The following HSPA1A variants were observed in gnomAD, a reference collection of about 807,000 sequenced individuals.
The protein encoded by HSPA1A is heat shock protein family A (Hsp70) member 1A.
In HSPA1A, 5 loss-of-function variants were observed where a neutral mutation model predicts 8.8. The ratio of observed to expected loss-of-function variants is 0.57; its 90% CI spans 0.30 to 1.19. HSPA1A has a LOEUF of 1.19. Ranked by LOEUF, HSPA1A falls within the 50% of genes most tolerant of loss-of-function variation. The pLI is 0.08. For missense variants in HSPA1A, 207 were observed against 430.7 expected, an observed-to-expected ratio of 0.48 and a Z score of 4.60; for synonymous variants, 112 against 188.4, an observed-to-expected ratio of 0.59 and a Z score of 3.32.
In HSPA1A at chr6:31,815,844, G is replaced by A. The variant is rs199499427; in HGVS notation, c.88G>A (p.Ala30Thr). 6.2e-7 allele frequency: 1 copy of A among 1,610,864 alleles called. No homozygotes were observed. Among genetic ancestry groups the A allele is most frequent in the East Asian group, 2.2e-5 (1 of 44,780 alleles). ...VFQHGKVEII[A>T]NDQGNRTTPS... is the part of the protein sequence containing the mutation. ...CCAACACGGCAAGGTGGAGATCATCGCCAACGACCAGGGCAACCGCACCAC... is the reference window on the plus strand; with the variant it reads ...CCAACACGGCAAGGTGGAGATCATCACCAACGACCAGGGCAACCGCACCAC... Residue 30 changes from alanine (A) to threonine (T), a missense_variant, in exon 1 of 1, where the codon GCC becomes ACC. Physicochemically the swap from Ala to Thr is moderately conservative, Grantham distance 58. Coordinates refer to ENST00000375651, the MANE Select transcript of HSPA1A (RefSeq NM_005345.6).
In HSPA1A at chr6:31,817,698, T is replaced by G. The variant is rs761966416; in HGVS notation, c.*16T>G. On this transcript the variant is annotated 3_prime_UTR_variant, in exon 1 of 1. Transcript: ENST00000375651. ...GGTAGATTAGGGGCCTTTCCAAGAT[T>G]GCTGTTTTTGTTTTGGAGCTTCAAG... 6.3e-7 allele frequency: 1 copy of G among 1,597,664 alleles called. No homozygotes were observed.
rs773596627 is a variant in HSPA1A at position 31,817,511 on chromosome 6, C to T, written c.1755C>T (p.Thr585=). 2 of 1,612,586 alleles carry T rather than the reference C, an allele frequency of 1.2e-6. No individual in the cohort carries two copies. Among genetic ancestry groups the T allele is most frequent in the East Asian group, 4.5e-5 (2 of 44,890 alleles). The change falls in exon 1 of 1, where the codon ACC becomes ACT. Residue 585 remains threonine, a synonymous_variant. Coordinates refer to ENST00000375651, the MANE Select transcript of HSPA1A (RefSeq NM_005345.6). ...TCATCTCGTGGCTGGACGCCAACAC[C>T]TTGGCCGAGAAGGACGAGTTTGAGC... is the stretch of plus-strand genomic sequence containing the variant. ...QEVISWLDAN[T]LAEKDEFEHK...
At position 31,817,811 on chromosome 6, in the gene HSPA1A, C is replaced by T. The variant is rs1393808641; in HGVS notation, c.*129C>T. 1.1e-5 allele frequency: 16 copies of T among 1,467,760 alleles called. No homozygotes were observed. The East Asian group carries it at 3.4e-4, about 31-fold the overall frequency. 90.9% of individuals were successfully genotyped at this position (1,467,760 alleles called of 1,614,324 possible). A position where few individuals can be genotyped will look rare whatever the true frequency, so the allele number is the denominator to read the frequency against. On this transcript the variant is annotated 3_prime_UTR_variant, in exon 1 of 1. Coordinates refer to ENST00000375651, the MANE Select transcript of HSPA1A (RefSeq NM_005345.6). ...ATTTTTTGGTGAAGTACTGAACTTG[C>T]TTTTTTTCCGGTTTCTACATGCAGA...
In HSPA1A at chr6:31,815,714, C is replaced by T. The variant is rs1297130339; in HGVS notation, c.-43C>T. 1.2e-6 allele frequency: 2 copies of T among 1,613,668 alleles called. No homozygotes were observed. Among genetic ancestry groups the T allele is most frequent in the Non-Finnish European group, 1.7e-6 (2 of 1,179,984 alleles). ...CGCGGATCCAGTGTTCCGTTTCCAG[C>T]CCCCAATCTCAGAGCGGAGCCGACA... On this transcript the variant is annotated 5_prime_UTR_variant, in exon 1 of 1. Transcript: ENST00000375651.
rs1237645312 is a variant in HSPA1A at position 31,815,737 on chromosome 6, A to G, written c.-20A>G. On this transcript the variant is annotated 5_prime_UTR_variant, in exon 1 of 1. Transcript: ENST00000375651. The stretch of plus-strand genomic sequence containing the variant: ...AGCCCCCAATCTCAGAGCGGAGCCG[A>G]CAGAGAGCAGGGAACCGGCATGGCC... The G allele has an allele frequency of 1.2e-6, 2 of 1,613,742 alleles. No individual in the cohort carries two copies. The highest frequency in any genetic ancestry group is 2.2e-5 in the East Asian group (1 of 44,878).
In HSPA1A at chr6:31,817,385, G is replaced by C; in HGVS notation, c.1629G>C (p.Glu543Asp). 1 of 1,608,726 alleles carries C rather than the reference G, an allele frequency of 6.2e-7. No homozygotes were observed. Residue 543 changes from glutamate (E) to aspartate (D), a missense_variant, in exon 1 of 1, where the codon GAG becomes GAC. By Grantham distance (45) the Glu-to-Asp change is conservative. This residue lies in a region of HSPA1A where 11 missense variants were observed against 44.4 expected (regional missense o/e 0.25). Transcript: ENST00000375651. Reference protein sequence around the residue: ...RERVSAKNALESYAFNMKSAV... With the variant: ...RERVSAKNALDSYAFNMKSAV... ...GGGTGTCAGCCAAGAACGCCCTGGA[G>C]TCCTACGCCTTCAACATGAAGAGCG...
rs1215498031 is a variant in HSPA1A, at chr6:31,817,415, G to A, written c.1659G>A (p.Val553=). 1.2e-6 allele frequency: 2 copies of A among 1,611,962 alleles called. No homozygotes were observed. The highest frequency in any genetic ancestry group is 8.5e-7 in the Non-Finnish European group (1 of 1,179,726). ...ESYAFNMKSA[V]EDEGLKGKIS... ...ACGCCTTCAACATGAAGAGCGCCGTGGAGGATGAGGGGCTCAAGGGCAAGA... is the reference window on the plus strand; with the variant it reads ...ACGCCTTCAACATGAAGAGCGCCGTAGAGGATGAGGGGCTCAAGGGCAAGA... The change falls in exon 1 of 1, where the codon GTG becomes GTA. Residue 553 remains valine (V), a synonymous_variant. Coordinates refer to ENST00000375651, the MANE Select transcript of HSPA1A (RefSeq NM_005345.6).
chr6:31,815,753 C>G lies in HSPA1A; in HGVS notation c.-4C>G, dbSNP rs374399750. 4.3e-6 allele frequency: 7 copies of G among 1,613,858 alleles called. No individual in the cohort carries two copies. The highest frequency in any genetic ancestry group is 5.1e-6 in the Non-Finnish European group (6 of 1,180,030). On this transcript the variant is annotated 5_prime_UTR_variant, in exon 1 of 1. Transcript: ENST00000375651. ...GCGGAGCCGACAGAGAGCAGGGAACCGGCATGGCCAAAGCCGCGGCGATCG... is the reference window on the plus strand; with the variant it reads ...GCGGAGCCGACAGAGAGCAGGGAACGGGCATGGCCAAAGCCGCGGCGATCG...
chr6:31,816,293 C>T lies in HSPA1A; in HGVS notation c.537C>T (p.Ala179=), dbSNP rs1562350971. The T allele has an allele frequency of 7.7e-6, 2 of 259,548 alleles. No homozygotes were observed. The highest frequency in any genetic ancestry group is 1.3e-5 in the Non-Finnish European group (2 of 149,854). 16.1% of individuals were successfully genotyped at this position (259,548 alleles called of 1,614,324 possible). A position where few individuals can be genotyped will look rare whatever the true frequency, so the allele number is the denominator to read the frequency against. ...GGATCATCAACGAGCCCACGGCCGC[C>T]GCCATCGCCTACGGCCTGGACAGAA... The part of the protein sequence containing the change: ...VLRIINEPTA[A]AIAYGLDRTG... Residue 179 remains alanine (A), a synonymous_variant, in exon 1 of 1, where the codon GCC becomes GCT. Coordinates refer to ENST00000375651, the MANE Select transcript of HSPA1A (RefSeq NM_005345.6).
At position 31,817,446 on chromosome 6, in the gene HSPA1A, G is replaced by A. The variant is rs1054002904; in HGVS notation, c.1690G>A (p.Glu564Lys). Residue 564 changes from glutamate to lysine, a missense_variant, in exon 1 of 1, where the codon GAG becomes AAG. Transcript: ENST00000375651. ...EDEGLKGKIS[E>K]ADKKKVLDKC... The stretch of plus-strand genomic sequence containing the variant: ...TGAGGGGCTCAAGGGCAAGATCAGC[G>A]AGGCGGACAAGAAGAAGGTGCTGGA... 1 of 1,612,354 alleles carries A rather than the reference G, an allele frequency of 6.2e-7. No individual in the cohort carries two copies. Among genetic ancestry groups the A allele is most frequent in the Non-Finnish European group, 8.5e-7 (1 of 1,179,838 alleles).
In HSPA1A at chr6:31,816,880, TG is replaced by T. The variant is rs1236863879; in HGVS notation, c.1125del (p.Gln376ArgfsTer5). On this transcript the variant is annotated frameshift_variant, in exon 1 of 1. Transcript: ENST00000375651. LOFTEE classifies it high-confidence loss of function. ...GAGGCTGTGGCCTACGGGGCGGCGGTGCAGGCGGCCATCCTGATGGGGGACA... is the reference window on the plus strand; with the variant it reads ...GAGGCTGTGGCCTACGGGGCGGCGGTCAGGCGGCCATCCTGATGGGGGACA... ...PDEAVAYGAA[V>X]QAAILMGDKS... is the part of the protein sequence containing the mutation. 2 of 194,158 alleles carry T rather than the reference TG, an allele frequency of 1.0e-5. No homozygotes were observed. The highest frequency in any genetic ancestry group is 5.9e-5 in the South Asian group (2 of 33,618). The allele number at this position is 194,158 out of a possible 1,614,324, so 12.0% of individuals were successfully genotyped here.
chr6:31,815,928 C>T lies in HSPA1A; in HGVS notation c.172C>T (p.Gln58Ter), dbSNP rs752211354. Residue 58 changes from glutamine (Q) to a stop codon, truncating the protein, a stop_gained, in exon 1 of 1, where the codon CAG becomes TAG. Coordinates refer to ENST00000375651, the MANE Select transcript of HSPA1A (RefSeq NM_005345.6). LOFTEE classifies it high-confidence loss of function. ...GCTCATCGGGGATGCGGCCAAGAAC[C>T]AGGTGGCGCTGAACCCGCAGAACAC... is the stretch of plus-strand genomic sequence containing the variant. ...ERLIGDAAKN[Q>*]VALNPQNTVF... 1.0e-5 allele frequency: 16 copies of T among 1,572,752 alleles called. No individual in the cohort carries two copies. The highest frequency in any genetic ancestry group is 2.3e-4 in the Middle Eastern group (1 of 4,370).
In HSPA1A at chr6:31,815,670, G is replaced by A. The variant is rs1333032792; in HGVS notation, c.-87G>A. 6.2e-7 allele frequency: 1 copy of A among 1,612,994 alleles called. No homozygotes were observed. Among genetic ancestry groups the A allele is most frequent in the African/African-American group, 1.3e-5 (1 of 74,944 alleles). Reference sequence around the variant, plus strand: ...CCGGCGCGTCGAGTTTCCGGCGTCCGGAAGGACCGAGCTCTTCTCGCGGAT... The same window carrying A: ...CCGGCGCGTCGAGTTTCCGGCGTCCAGAAGGACCGAGCTCTTCTCGCGGAT... On this transcript the variant is annotated 5_prime_UTR_variant, in exon 1 of 1. Transcript: ENST00000375651.
Position 31,816,269 on chromosome 6 carries a change from G to T in HSPA1A, c.513G>T (p.Arg171=). ...TGATCGCGGGGCTCAACGTGCTGCG[G>T]ATCATCAACGAGCCCACGGCCGCCG... ...AGVIAGLNVL[R]IINEPTAAAI... is the part of the protein sequence containing the mutation. Residue 171 remains arginine, a synonymous_variant, in exon 1 of 1, where the codon CGG becomes CGT. Transcript: ENST00000375651. 2 of 296,356 alleles carry T rather than the reference G, an allele frequency of 6.7e-6. No individual in the cohort carries two copies. The highest frequency in any genetic ancestry group is 4.9e-5 in the South Asian group (2 of 41,184). 18.4% of individuals were successfully genotyped at this position (296,356 alleles called of 1,614,324 possible).
At position 31,816,080 on chromosome 6, in the gene HSPA1A, G is replaced by A; in HGVS notation, c.324G>A (p.Lys108=). The change falls in exon 1 of 1, where the codon AAG becomes AAA. Residue 108 remains lysine (K), a synonymous_variant. Transcript: ENST00000375651. ...AGCCCAAGGTGCAGGTGAGCTACAA[G>A]GGGGAGACCAAGGCATTCTACCCCG... The part of the protein sequence containing the change: ...GDKPKVQVSY[K]GETKAFYPEE... The A allele has an allele frequency of 1.5e-6, 1 of 667,352 alleles. No individual in the cohort carries two copies. Among genetic ancestry groups the A allele is most frequent in the African/African-American group, 3.8e-5 (1 of 26,622 alleles). 41.3% of individuals were successfully genotyped at this position (667,352 alleles called of 1,614,324 possible). A position where few individuals can be genotyped will look rare whatever the true frequency, so the allele number is the denominator to read the frequency against.
Position 31,817,485 on chromosome 6 carries a change from G to T in HSPA1A, c.1729G>T (p.Val577Phe). The change falls in exon 1 of 1, where the codon GTC becomes TTC. Residue 577 changes from valine (V) to phenylalanine (F), a missense_variant. Coordinates refer to ENST00000375651, the MANE Select transcript of HSPA1A (RefSeq NM_005345.6). ...KKKVLDKCQE[V>F]ISWLDANTLA... is the part of the protein sequence containing the mutation. The stretch of plus-strand genomic sequence containing the variant: ...GAAGGTGCTGGACAAGTGTCAAGAG[G>T]TCATCTCGTGGCTGGACGCCAACAC... 6.2e-7 allele frequency: 1 copy of T among 1,612,776 alleles called. No individual in the cohort carries two copies. The highest frequency in any genetic ancestry group is 8.5e-7 in the Non-Finnish European group (1 of 1,179,928).
chr6:31,816,159 C>G lies in HSPA1A; in HGVS notation c.403C>G (p.Leu135Val). The G allele has an allele frequency of 2.2e-6, 1 of 456,566 alleles. No individual in the cohort carries two copies. The highest frequency in any genetic ancestry group is 3.6e-6 in the Non-Finnish European group (1 of 278,796). 28.3% of individuals were successfully genotyped at this position (456,566 alleles called of 1,614,324 possible). Residue 135 changes from leucine (L) to valine (V), a missense_variant, in exon 1 of 1, where the codon CTG (leucine) becomes GTG (valine). By Grantham distance (32) the Leu-to-Val change is conservative (BLOSUM62 1). Coordinates refer to ENST00000375651, the MANE Select transcript of HSPA1A (RefSeq NM_005345.6). The stretch of plus-strand genomic sequence containing the variant: ...GATGAAGGAGATCGCCGAGGCGTAC[C>G]TGGGCTACCCGGTGACCAACGCGGT... ...TKMKEIAEAYLGYPVTNAVIT... is the reference protein window; with the variant it reads ...TKMKEIAEAYVGYPVTNAVIT...
chr6:31,815,660 T>G lies in HSPA1A; in HGVS notation c.-97T>G. 1 of 1,612,932 alleles carries G rather than the reference T, an allele frequency of 6.2e-7. No individual in the cohort carries two copies. The highest frequency in any genetic ancestry group is 1.1e-5 in the South Asian group (1 of 91,062). ...GCTGCAGGCACCGGCGCGTCGAGTT[T>G]CCGGCGTCCGGAAGGACCGAGCTCT... is the stretch of plus-strand genomic sequence containing the variant. On this transcript the variant is annotated 5_prime_UTR_variant, in exon 1 of 1. Coordinates refer to ENST00000375651, the MANE Select transcript of HSPA1A (RefSeq NM_005345.6).
In HSPA1A at chr6:31,815,545, CG is replaced by C. The variant is rs1815866925; in HGVS notation, c.-210del. On this transcript the variant is annotated 5_prime_UTR_variant, in exon 1 of 1. Coordinates refer to ENST00000375651, the MANE Select transcript of HSPA1A (RefSeq NM_005345.6). ...GCCCAGGGGCAAGCGGTCCGGATAACGGCTAGCCTGAGGAGCTGCTGCGACA... is the reference window on the plus strand; with the variant it reads ...GCCCAGGGGCAAGCGGTCCGGATAACGCTAGCCTGAGGAGCTGCTGCGACA... The C allele has an allele frequency of 3.2e-6, 4 of 1,233,716 alleles. No individual in the cohort carries two copies. Among genetic ancestry groups the C allele is most frequent in the East Asian group, 5.1e-5 (2 of 39,510 alleles). The allele number at this position is 1,233,716 out of a possible 1,614,324, so 76.4% of individuals were successfully genotyped here. A position where few individuals can be genotyped will look rare whatever the true frequency, so the allele number is the denominator to read the frequency against.
Sources: gnomAD v4.1 joint callset for allele counts on GRCh38, gnomAD v4.1.1 for gene constraint, gnomAD v4.1.1 regional missense constraint, MANE v1.5 for transcripts, NCBI Gene and HGNC (gene_info 2026-07-23, HGNC 2026-07-21) for gene names.